NEK7: variants seen among roughly 807,000 people sequenced by gnomAD.
NEK7 encodes the protein NIMA related kinase 7, also known as serine/threonine-protein kinase Nek7.
Under a neutral mutation model 44.6 loss-of-function variants are expected in NEK7, and 18 were observed. The observed-to-expected ratio is 0.40, with a 90% confidence interval of 0.28 to 0.60. NEK7 has a LOEUF of 0.60. NEK7 is among the 20% of genes least tolerant of loss of function. The pLI, the probability that NEK7 is intolerant of heterozygous loss-of-function variation, is 0.38. For synonymous variants in NEK7, 130 were observed against 121.1 expected, an observed-to-expected ratio of 1.07 and a Z score of -0.48; for missense variants, 256 against 366.5, an observed-to-expected ratio of 0.70 and a Z score of 2.46.
At chr1:198,188,393 T>TTTA (rs1296303621) in intron 1 of NEK7, among the ~76,000 whole-genome samples, 1 of 152,160 alleles carries the variant, frequency 6.6e-6, no homozygotes, top group Non-Finnish European at 1.5e-5. Flanking sequence ...TTTTCTTGCC[T>TTTA]ATAAGTTCAG....
intron 1 of NEK7, among the ~76,000 whole-genome samples, chr1:198,217,671 C>G (rs1253842879): frequency 6.6e-6 from 1 of 151,782 alleles, no homozygotes; most frequent in Non-Finnish European, 1.5e-5. Context: ...ATTATATGAT[C>G]TTATACCTAG....
At chr1:198,157,871 G>C (rs1264514360) in intron 1 of NEK7, among the ~76,000 whole-genome samples, 2 of 152,166 alleles carry the variant, frequency 1.3e-5, no homozygotes, top group Non-Finnish European at 2.9e-5. Flanking sequence ...GAGAGGGATT[G>C]CGAGGCAATA....
intron 2 of NEK7, among the ~76,000 whole-genome samples, chr1:198,238,447 T>A (rs1168291273): frequency 6.6e-6 from 1 of 151,502 alleles, no homozygotes; most frequent in Non-Finnish European, 1.5e-5. Context: ...GACCTCCTCA[T>A]TACCTCTCAC....
intron 1 of NEK7, among the ~76,000 whole-genome samples, chr1:198,223,842 A>T (rs189943114): frequency 6.6e-6 from 1 of 152,114 alleles, no homozygotes; most frequent in South Asian, 2.1e-4. Context: ...TAATGGTATA[A>T]TGAAATAGCC....
chr1:198,198,713 CTCTT>C (rs1307522516), intron 1 of NEK7, among the ~76,000 whole-genome samples: 1 of 152,230 alleles, frequency 6.6e-6, no homozygotes, highest in African/African-American at 2.4e-5. Context: ...AGATGAGAAT[CTCTT>C]TCCGTTCTCC....
At chr1:198,252,652 A>G (rs1653097431) in intron 2 of NEK7, among the ~76,000 whole-genome samples, 1 of 140,414 alleles carries the variant, frequency 7.1e-6, no homozygotes. Context: ...TAAAACATAT[A>G]TGTATGTTTA....
At chr1:198,158,867 G>A (rs1045159517) in intron 1 of NEK7, among the ~76,000 whole-genome samples, 22 of 152,156 alleles carry the variant, frequency 1.4e-4, no homozygotes, top group Admixed American at 3.3e-4. Flanking sequence ...GGTCTCGCAC[G>A]GGGAACTTGC....
At chr1:198,229,017 G>T (rs966948560) in intron 1 of NEK7, among the ~76,000 whole-genome samples, 1 of 152,136 alleles carries the variant, frequency 6.6e-6, no homozygotes, top group Non-Finnish European at 1.5e-5. Flanking sequence ...ATTTCAGAAG[G>T]CGTTCTGCCC....
intron 1 of NEK7, among the ~76,000 whole-genome samples, chr1:198,230,624 G>A (rs1461658880): frequency 6.6e-6 from 1 of 151,932 alleles, no homozygotes; most frequent in Non-Finnish European, 1.5e-5. Context: ...AAAAGGAAAG[G>A]ATGTCTGCTC....
At chr1:198,316,472 C>G (rs1156910856) in intron 9 of NEK7, among the ~76,000 whole-genome samples, 1 of 152,192 alleles carries the variant, frequency 6.6e-6, no homozygotes, top group African/African-American at 2.4e-5. Flanking sequence ...GTACGAGGTG[C>G]AACAACTCAT....
intron 7 of NEK7, among the ~76,000 whole-genome samples, chr1:198,285,597 G>A (rs1156631355): frequency 6.6e-6 from 1 of 151,800 alleles, no homozygotes; most frequent in South Asian, 2.1e-4. Flanking sequence ...TCACTTACTG[G>A]CTCTTAATTA....
At chr1:198,261,824 A>G (rs941845407) in intron 3 of NEK7, among the ~76,000 whole-genome samples, 80 of 151,328 alleles carry the variant, frequency 5.3e-4, no homozygotes, top group African/African-American at 1.9e-3. Flanking sequence ...CCTTTTCTTC[A>G]TTATCCTCCC....
At chr1:198,220,283 G>A (rs1350783640) in intron 1 of NEK7, among the ~76,000 whole-genome samples, 2 of 151,738 alleles carry the variant, frequency 1.3e-5, no homozygotes, top group African/African-American at 4.8e-5. Flanking sequence ...CCTTGTCTTT[G>A]GCACAACAAA....
intron 5 of NEK7, among the ~76,000 whole-genome samples, chr1:198,265,837 AATAG>A (rs1211305997): frequency 4.6e-5 from 7 of 152,068 alleles, no homozygotes; most frequent in East Asian, 3.9e-4. Context: ...TATGCCTTTA[AATAG>A]ATGGATGGAT....
intron 9 of NEK7, among the ~76,000 whole-genome samples, chr1:198,306,941 T>C: frequency 6.6e-6 from 1 of 152,138 alleles, no homozygotes; most frequent in Non-Finnish European, 1.5e-5. Context: ...TATAAATCTA[T>C]TCTGTAATTT....
intron 8 of NEK7, among the ~76,000 whole-genome samples, chr1:198,296,727 T>C (rs1177686777): frequency 6.6e-6 from 1 of 152,222 alleles, no homozygotes; most frequent in East Asian, 1.9e-4. Flanking sequence ...CAGTTTTAAC[T>C]TCAGTTTCAT....
At chr1:198,212,685 G>T (rs1409383347) in intron 1 of NEK7, among the ~76,000 whole-genome samples, 1 of 152,138 alleles carries the variant, frequency 6.6e-6, no homozygotes, top group East Asian at 1.9e-4. Flanking sequence ...ACATTTGGGA[G>T]CTCCATGGCC....
intron 3 of NEK7, among the ~76,000 whole-genome samples, chr1:198,255,981 G>A (rs1477729529): frequency 1.3e-5 from 2 of 151,858 alleles, no homozygotes; most frequent in African/African-American, 4.8e-5. Flanking sequence ...TAATATTGCT[G>A]ACCAATGCTT....
rs80296498 is a variant in NEK7, at chr1:198,227,546, T to A, written c.-28-5007T>A. ...CCAGCACCTGTTGTTTCCTGGCTTT[T>A]TAATGATCGCCATTCTAACTGGTGT... On this transcript the variant is annotated intron_variant, in intron 1 of 9. Coordinates refer to ENST00000367385, the MANE Select transcript of NEK7 (RefSeq NM_133494.3). Among the ~76,000 whole-genome samples, 254 of 152,336 alleles carry A rather than the reference T, an allele frequency of 1.7e-3. 6 individuals carry two copies. In the East Asian group the frequency reaches 0.042, roughly 25 times the overall value.
Sources: gnomAD v4.1 joint callset for allele counts (sites outside exome capture counted in the v4.1 genomes callset) on GRCh38, gnomAD v4.1.1 for gene constraint, MANE v1.5 for transcripts, NCBI Gene and HGNC (gene_info 2026-07-23, HGNC 2026-07-21) for gene names.